CLOCK: variants seen among roughly 807,000 people sequenced by gnomAD.
CLOCK encodes the protein circadian locomoter output cycles protein kaput.
CLOCK carries 43 observed loss-of-function variants against 118.4 expected under a neutral mutation model. That is an observed-to-expected ratio of 0.36 (90% CI 0.28 to 0.47). CLOCK has a LOEUF of 0.47. Among genes scored for constraint, CLOCK ranks in the 20% least tolerant of loss-of-function variants. The pLI, the probability that CLOCK is intolerant of heterozygous loss-of-function variation, is 1.00. For synonymous variants in CLOCK, 326 were observed against 339.2 expected, an observed-to-expected ratio of 0.96 and a Z score of 0.43; for missense variants, 846 against 999.9, an observed-to-expected ratio of 0.85 and a Z score of 2.08.
At chr4:55,438,674 C>A in intron 21 of CLOCK, 137 bp from the exon 22 acceptor site, 1 of 1,299,530 alleles carries the variant, frequency 7.7e-7, no homozygotes, top group South Asian at 1.4e-5. Context: ...TATATTCCTA[C>A]TTTGTTTCAT....
chr4:55,462,866 G>GTGTGTA (rs1269056272), intron 9 of CLOCK, among the ~76,000 whole-genome samples: 4 of 151,926 alleles, frequency 2.6e-5, no homozygotes, highest in African/African-American at 9.7e-5. Context: ...GTGTGTGTGT[G>GTGTGTA]TATCTCAATT....
intron 18 of CLOCK, among the ~76,000 whole-genome samples, chr4:55,446,614 A>T (rs925469998): frequency 1.8e-4 from 28 of 152,226 alleles, no homozygotes; most frequent in Non-Finnish European, 2.9e-4. Flanking sequence ...GCATACATGA[A>T]TGAAAATAAA....
At chr4:55,487,832 T>G (rs1248344026) in intron 3 of CLOCK, among the ~76,000 whole-genome samples, 2 of 152,316 alleles carry the variant, frequency 1.3e-5, no homozygotes, top group Non-Finnish European at 1.5e-5. Context: ...ATCCTGGGAT[T>G]TGCAAGAAAG....
At chr4:55,466,632 G>A (rs546589619) in intron 8 of CLOCK, among the ~76,000 whole-genome samples, 115 of 152,120 alleles carry the variant, frequency 7.6e-4, no homozygotes, top group African/African-American at 2.7e-3. Flanking sequence ...CATATTCATA[G>A]AGAAAAGAAA....
intron 1 of CLOCK, among the ~76,000 whole-genome samples, chr4:55,530,907 T>C (rs899422361): frequency 2.3e-4 from 35 of 150,968 alleles, no homozygotes; most frequent in Non-Finnish European, 4.9e-4. Flanking sequence ...GAATGACATA[T>C]ACACAGCAGC....
At chr4:55,514,927 G>A (rs1441684560) in intron 1 of CLOCK, among the ~76,000 whole-genome samples, 1 of 152,144 alleles carries the variant, frequency 6.6e-6, no homozygotes, top group Admixed American at 6.5e-5. Context: ...CTCTGCTTCT[G>A]TCTTGCAAAA....
chr4:55,438,205 A>T lies in CLOCK; in HGVS notation c.2361+77T>A, dbSNP rs111244134. The T allele has an allele frequency of 4.6e-6, 7 of 1,527,444 alleles. No homozygotes were observed. In the African/African-American group the frequency reaches 5.5e-5, roughly 12 times the overall value. 94.6% of individuals were successfully genotyped at this position (1,527,444 alleles called of 1,614,324 possible). On this transcript the variant is annotated intron_variant, in intron 22 of 22. Transcript: ENST00000513440. ...TTGTGAATTTTTCACATCACTCACA[A>T]ATCTGTTCACTTAATGCTTAATTTC...
At chr4:55,529,912 G>T (rs6812042) in intron 1 of CLOCK, among the ~76,000 whole-genome samples, 47,310 of 151,930 alleles carry the variant, frequency 0.31, 7,632 homozygotes, top group Middle Eastern at 0.41. Flanking sequence ...ACATTCGCAG[G>T]TCAGAAACAT....
rs747424422 is a variant in CLOCK at position 55,470,673 on chromosome 4, T to C, written c.438+44A>G. On this transcript the variant is annotated intron_variant, in intron 8 of 22. Transcript: ENST00000513440. The stretch of plus-strand genomic sequence containing the variant: ...TCCCAGTGCTTTAGAATATTTAAAA[T>C]AGGCATTTTAATACGAAGTAGATTG... 6.7e-6 allele frequency: 9 copies of C among 1,334,832 alleles called. No individual in the cohort carries two copies. In the African/African-American group the frequency reaches 1.0e-4, roughly 15 times the overall value. The allele number at this position is 1,334,832 out of a possible 1,614,324, so 82.7% of individuals were successfully genotyped here. A position where few individuals can be genotyped will look rare whatever the true frequency, so the allele number is the denominator to read the frequency against.
chr4:55,500,407 G>C (rs1326048624), intron 2 of CLOCK, among the ~76,000 whole-genome samples: 1 of 152,134 alleles, frequency 6.6e-6, no homozygotes, highest in Admixed American at 6.5e-5. Context: ...GCAGTGGTGT[G>C]AACACAGCTC....
In CLOCK at chr4:55,486,368, T is replaced by C. The variant is rs369423591; in HGVS notation, c.-44+3006A>G. The C allele has an allele frequency of 4.6e-5, 7 of 152,286 alleles. No homozygotes were observed. The South Asian group carries it at 6.2e-4, about 14-fold the overall frequency. The allele number at this position is 152,286 out of a possible 1,614,324, so 9.4% of individuals were successfully genotyped here. A position where few individuals can be genotyped will look rare whatever the true frequency, so the allele number is the denominator to read the frequency against. On this transcript the variant is annotated intron_variant, in intron 3 of 22. Coordinates refer to ENST00000513440, the MANE Select transcript of CLOCK (RefSeq NM_004898.4). ...CTAGAAATCTTCCAACCTGTTTCTA[T>C]TGGGACTGGAAACTATCTACTAACC...
intron 18 of CLOCK, among the ~76,000 whole-genome samples, chr4:55,446,838 G>A (rs1723891463): frequency 6.6e-6 from 1 of 152,134 alleles, no homozygotes; most frequent in African/African-American, 2.4e-5. Flanking sequence ...GCCTCTTACA[G>A]TGAACTGTAT....
chr4:55,454,613 C>CA (rs10566273), intron 13 of CLOCK, among the ~76,000 whole-genome samples: 4,973 of 68,694 alleles, frequency 0.072, 19 homozygotes, highest in African/African-American at 0.092. Context: ...GACTCCATCC[C>CA]AAAAAAAAAA....
At chr4:55,508,268 A>G (rs558928502) in intron 2 of CLOCK, among the ~76,000 whole-genome samples, 71 of 152,326 alleles carry the variant, frequency 4.7e-4, no homozygotes, top group African/African-American at 1.6e-3. Context: ...AGTAACATTA[A>G]AACTTGGTTA....
intron 1 of CLOCK, among the ~76,000 whole-genome samples, chr4:55,529,568 A>C (rs1388525513): frequency 6.6e-6 from 1 of 152,248 alleles, no homozygotes; most frequent in Non-Finnish European, 1.5e-5. Flanking sequence ...GGACTACTGA[A>C]GATACCGCAT....
At chr4:55,522,332 T>C (rs922208830) in intron 1 of CLOCK, among the ~76,000 whole-genome samples, 8 of 152,132 alleles carry the variant, frequency 5.3e-5, no homozygotes, top group Non-Finnish European at 1.0e-4. Context: ...TTAATTTAAA[T>C]TTTTAATTTT....
intron 1 of CLOCK, among the ~76,000 whole-genome samples, chr4:55,515,101 G>A (rs1000665832): frequency 6.6e-6 from 1 of 152,094 alleles, no homozygotes; most frequent in African/African-American, 2.4e-5. Context: ...CTTCTTGTAT[G>A]ACTTTTGGCA....
chr4:55,440,049 T>C (rs73236140), intron 21 of CLOCK, among the ~76,000 whole-genome samples: 34,337 of 152,076 alleles, frequency 0.23, 4,505 homozygotes, highest in South Asian at 0.37. Flanking sequence ...AAAACCTTTT[T>C]CTTTTTATAA....
At chr4:55,520,203 C>T (rs948707880) in intron 1 of CLOCK, among the ~76,000 whole-genome samples, 3 of 152,108 alleles carry the variant, frequency 2.0e-5, no homozygotes, top group South Asian at 2.1e-4. Context: ...AATCTAACCA[C>T]TTTTTTAAGG....
Sources: allele counts gnomAD v4.1 joint callset (sites outside exome capture counted in the v4.1 genomes callset), GRCh38; gene constraint gnomAD v4.1.1; transcripts MANE v1.5; gene names NCBI Gene and HGNC (gene_info 2026-07-23, HGNC 2026-07-21).